Variants in MRPL48 observed in about 807,000 individuals in gnomAD.
The protein encoded by MRPL48 is large ribosomal subunit protein mL48.
In MRPL48, 16 loss-of-function variants were observed where a neutral mutation model predicts 32.9. The ratio of observed to expected loss-of-function variants is 0.49; its 90% CI spans 0.33 to 0.74. The LOEUF is 0.74. Ranked by LOEUF, MRPL48 falls within the 30% of genes least tolerant of loss-of-function variation. The pLI, the probability that MRPL48 is intolerant of heterozygous loss-of-function variation, is 0.02. For synonymous variants in MRPL48, 94 were observed against 89.2 expected, an observed-to-expected ratio of 1.05 and a Z score of -0.31; for missense variants, 206 against 245.3, an observed-to-expected ratio of 0.84 and a Z score of 1.07.
Position 73,809,193 on chromosome 11 carries a change from A to G in MRPL48, c.112+843A>G, listed in dbSNP as rs146183228. On this transcript the variant is annotated intron_variant, in intron 3 of 7. Transcript: ENST00000310614. ...ATTGTAATACAAACTGTAGTGTACC[A>G]TTTGAAGATTCAGTGAGACAAAAGA... Among the ~76,000 whole-genome samples, 101 of 151,204 alleles carry G rather than the reference A, an allele frequency of 6.7e-4. No homozygotes were observed. The East Asian group carries it at 8.4e-3, about 13-fold the overall frequency.
intron 6 of MRPL48, among the ~76,000 whole-genome samples, chr11:73,862,545 A>G (rs34476415): frequency 0.056 from 8,573 of 152,002 alleles, 263 homozygotes; most frequent in Middle Eastern, 0.11. Flanking sequence ...GTTGCAGTGA[A>G]CTGAGATAGC....
At chr11:73,844,725 G>A in intron 4 of MRPL48, 82 bp from the exon 5 acceptor site, 10 of 1,426,378 alleles carry the variant, frequency 7.0e-6, no homozygotes, top group Non-Finnish European at 9.4e-6. Context: ...TAGAAAGATT[G>A]ACTTTTTAAA....
chr11:73,800,633 T>G (rs1032043536), intron 1 of MRPL48, among the ~76,000 whole-genome samples: 1 of 151,992 alleles, frequency 6.6e-6, no homozygotes, highest in Non-Finnish European at 1.5e-5. Flanking sequence ...TGCTCTTCAT[T>G]TGCTGATGGG....
Position 73,856,692 on chromosome 11 carries a change from T to C in MRPL48, c.372-3215T>C, listed in dbSNP as rs187058428. On this transcript the variant is annotated intron_variant, in intron 5 of 7. Coordinates refer to ENST00000310614, the MANE Select transcript of MRPL48 (RefSeq NM_016055.6). The stretch of plus-strand genomic sequence containing the variant: ...CATTTTTAAAAATTGAGATATAACT[T>C]GTATAAAGTGAAGCTCCCCAGCACC... Among the ~76,000 whole-genome samples, 36 of 152,294 alleles carry C rather than the reference T, an allele frequency of 2.4e-4. No homozygotes were observed. The East Asian group carries it at 6.4e-3, about 27-fold the overall frequency.
At chr11:73,791,594 T>G (rs1161431960) in intron 1 of MRPL48, among the ~76,000 whole-genome samples, 1 of 151,934 alleles carries the variant, frequency 6.6e-6, no homozygotes, top group Non-Finnish European at 1.5e-5. Context: ...TTTTTTGTAT[T>G]TTTTTGTAGA....
Position 73,825,724 on chromosome 11 carries a change from T to C in MRPL48, c.129T>C (p.Ser43=). Residue 43 remains serine (S), a synonymous_variant, in exon 4 of 8, where the codon AGT becomes AGC. Transcript: ENST00000310614. ...CTCTTTTAGGTGGAATTCTACTAAG[T>C]ATCAGTCGGCCCTACAAGACAAAGC... is the stretch of plus-strand genomic sequence containing the variant. ...PIYSVGGILL[S]ISRPYKTKPT... 6.4e-7 allele frequency: 1 copy of C among 1,563,862 alleles called. No individual in the cohort carries two copies. The highest frequency in any genetic ancestry group is 1.2e-5 in the South Asian group (1 of 84,686).
intron 4 of MRPL48, among the ~76,000 whole-genome samples, chr11:73,831,311 C>T (rs1374424964): frequency 2.0e-5 from 3 of 152,146 alleles, no homozygotes; most frequent in Non-Finnish European, 4.4e-5. Context: ...TATTTCAGCT[C>T]GCTTACAGTA....
intron 5 of MRPL48, among the ~76,000 whole-genome samples, chr11:73,858,696 G>A (rs1220261965): frequency 1.3e-5 from 2 of 152,178 alleles, no homozygotes; most frequent in East Asian, 3.8e-4. Context: ...TCAGTTTGAT[G>A]AACTTTTTGA....
intron 5 of MRPL48, among the ~76,000 whole-genome samples, chr11:73,856,910 A>G (rs1004342202): frequency 1.1e-4 from 16 of 152,136 alleles, no homozygotes; most frequent in African/African-American, 3.6e-4. Flanking sequence ...TAAAAAATAA[A>G]AAAATAAAAA....
intron 4 of MRPL48, among the ~76,000 whole-genome samples, chr11:73,839,966 A>T (rs1219139779): frequency 5.9e-5 from 9 of 151,590 alleles, no homozygotes; most frequent in African/African-American, 2.2e-4. Context: ...AGGCATGATA[A>T]TGTGCACTGT....
intron 3 of MRPL48, among the ~76,000 whole-genome samples, chr11:73,809,282 C>T (rs1045728260): frequency 2.6e-5 from 4 of 152,058 alleles, no homozygotes; most frequent in Middle Eastern, 6.8e-3. Flanking sequence ...CCGAGGAGGG[C>T]GGATCATGAG....
chr11:73,849,259 C>T (rs1394781948), intron 5 of MRPL48, among the ~76,000 whole-genome samples: 1 of 152,106 alleles, frequency 6.6e-6, no homozygotes, highest in Non-Finnish European at 1.5e-5. Context: ...GCTTCAGCCT[C>T]CCAAGTAGCT....
At chr11:73,827,558 C>A (rs541347909) in intron 4 of MRPL48, among the ~76,000 whole-genome samples, 2 of 152,170 alleles carry the variant, frequency 1.3e-5, no homozygotes, top group South Asian at 4.1e-4. Context: ...GGTATAAGAT[C>A]TGTCTTTCAA....
chr11:73,858,406 A>C lies in MRPL48; in HGVS notation c.372-1501A>C, dbSNP rs895625113. Among the ~76,000 whole-genome samples the C allele has an allele frequency of 4.6e-5, 7 of 152,260 alleles. No individual in the cohort carries two copies. In the East Asian group the frequency reaches 1.3e-3, roughly 29 times the overall value. On this transcript the variant is annotated intron_variant, in intron 5 of 7. Transcript: ENST00000310614. Reference sequence around the variant, plus strand: ...GAAAAATGGAGACTCAGAAACCTGAATTCCCAAATTCAAATAGGTAATAAT... The same window carrying C: ...GAAAAATGGAGACTCAGAAACCTGACTTCCCAAATTCAAATAGGTAATAAT...
At position 73,859,940 on chromosome 11, in the gene MRPL48, G is replaced by A. The variant is rs1948555044; in HGVS notation, c.405G>A (p.Leu135=). The A allele has an allele frequency of 2.5e-6, 4 of 1,613,800 alleles. No individual in the cohort carries two copies. The highest frequency in any genetic ancestry group is 2.5e-6 in the Non-Finnish European group (3 of 1,179,864). ...TGCCAACCAAAACCATAGAAGTGTT[G>A]CAGTTGCAGGACCAAGGCAGCAAAA... is the stretch of plus-strand genomic sequence containing the variant. ...YAMPTKTIEV[L]QLQDQGSKML... The change falls in exon 6 of 8, where the codon TTG becomes TTA. Residue 135 remains leucine, a synonymous_variant. Coordinates refer to ENST00000310614, the MANE Select transcript of MRPL48 (RefSeq NM_016055.6).
intron 3 of MRPL48, among the ~76,000 whole-genome samples, chr11:73,811,084 G>A (rs1029498233): frequency 3.3e-5 from 5 of 152,194 alleles, no homozygotes; most frequent in African/African-American, 1.2e-4. Context: ...GAGAAAGAGA[G>A]ACCATAGTGG....
chr11:73,800,651 G>A (rs2462617), intron 1 of MRPL48, among the ~76,000 whole-genome samples: 12,891 of 152,032 alleles, frequency 0.085, 719 homozygotes, highest in African/African-American at 0.16. Context: ...GGGGAGGAGA[G>A]GGTAATTGTA....
intron 5 of MRPL48, among the ~76,000 whole-genome samples, chr11:73,851,398 G>A (rs1948386755): frequency 6.6e-6 from 1 of 152,132 alleles, no homozygotes; most frequent in African/African-American, 2.4e-5. Context: ...AGCCAAATTT[G>A]AACTTTTAAA....
chr11:73,860,163 T>G, intron 6 of MRPL48, 154 bp downstream of exon 6: 1 of 590,148 alleles, frequency 1.7e-6, no homozygotes, highest in Non-Finnish European at 2.9e-6. Context: ...CCTTTTATAA[T>G]ACCTTCCCCC....
Sources: gnomAD v4.1 joint callset for allele counts (sites outside exome capture counted in the v4.1 genomes callset) on GRCh38, gnomAD v4.1.1 for gene constraint, MANE v1.5 for transcripts, NCBI Gene and HGNC (gene_info 2026-07-23, HGNC 2026-07-21) for gene names.